BICD2: variants seen among roughly 807,000 people sequenced by gnomAD.
BICD2 encodes the protein BICD cargo adaptor 2.
BICD2 carries 25 observed loss-of-function variants against 72.9 expected under a neutral mutation model. That is an observed-to-expected ratio of 0.34 (90% CI 0.25 to 0.48). The LOEUF is 0.48. BICD2 is among the 20% of genes least tolerant of loss of function. BICD2 has a pLI of 0.99. For missense variants in BICD2, 894 were observed against 1,175.2 expected, an observed-to-expected ratio of 0.76 and a Z score of 3.50; for synonymous variants, 501 against 516.1, an observed-to-expected ratio of 0.97 and a Z score of 0.40.
At chr9:92,725,017 G>A (rs1409912321) in intron 2 of BICD2, among the ~76,000 whole-genome samples, 1 of 152,226 alleles carries the variant, frequency 6.6e-6, no homozygotes, top group Non-Finnish European at 1.5e-5. Flanking sequence ...TGCCAGTCAA[G>A]ATCAACAAAC....
In BICD2 at chr9:92,715,225, C is replaced by T. The variant is rs146163062; in HGVS notation, c.2497G>A (p.Asp833Asn). The change falls in exon 7 of 7, where the codon GAC (aspartate) becomes AAC (asparagine). Residue 833 changes from aspartate to asparagine, a missense_variant. Around this residue, in one of 5 missense-constraint regions of BICD2, gnomAD observed 321 missense variants for 443.9 expected, o/e 0.72. Coordinates refer to ENST00000356884, the MANE Select transcript of BICD2 (RefSeq NM_001003800.2). ...GCCAGCCCGGTGCCCTCGGCCCTGT[C>T]GCTGGCACAGGCACAGGTGTGACTT... is the stretch of plus-strand genomic sequence containing the variant. ...SVSHTCACAS[D>N]RAEGTGLANQ... The T allele has an allele frequency of 2.4e-5, 38 of 1,613,154 alleles. No individual in the cohort carries two copies. In the African/African-American group the frequency reaches 2.9e-4, roughly 12 times the overall value.
Position 92,714,972 on chromosome 9 carries a change from T to C in BICD2, c.*182A>G. On this transcript the variant is annotated 3_prime_UTR_variant, in exon 7 of 7. Transcript: ENST00000356884. ...GTGCTCCTGAGGGGGCTTTGAGGAG[T>C]GAGAAGCGACACAAAGCTCTCACAA... is the stretch of plus-strand genomic sequence containing the variant. 7.2e-7 allele frequency: 1 copy of C among 1,394,176 alleles called. No individual in the cohort carries two copies. The highest frequency in any genetic ancestry group is 9.3e-7 in the Non-Finnish European group (1 of 1,077,310). The allele number at this position is 1,394,176 out of a possible 1,614,324, so 86.4% of individuals were successfully genotyped here.
intron 1 of BICD2, among the ~76,000 whole-genome samples, chr9:92,753,372 T>C (rs995671829): frequency 5.3e-5 from 8 of 152,176 alleles, no homozygotes; most frequent in East Asian, 3.8e-4. Context: ...GGTTCATCCA[T>C]TGTAACAAAT....
rs1290940255 is a variant in BICD2, at chr9:92,711,998, G to C, written c.*3156C>G. 3 of 152,540 alleles carry C rather than the reference G, an allele frequency of 2.0e-5. No homozygotes were observed. Among genetic ancestry groups the C allele is most frequent in the Non-Finnish European group, 4.4e-5 (3 of 68,016 alleles). The allele number at this position is 152,540 out of a possible 1,614,324, so 9.4% of individuals were successfully genotyped here. A position where few individuals can be genotyped will look rare whatever the true frequency, so the allele number is the denominator to read the frequency against. On this transcript the variant is annotated 3_prime_UTR_variant, in exon 7 of 7. Transcript: ENST00000356884. The stretch of plus-strand genomic sequence containing the variant: ...TGAGTTCTGTTTCCTGAAATTAACA[G>C]TGATTAGTTACACCAAGCAAGAGAA...
chr9:92,740,715 T>C (rs745824187), intron 1 of BICD2, among the ~76,000 whole-genome samples: 6 of 152,166 alleles, frequency 3.9e-5, no homozygotes, highest in Non-Finnish European at 8.8e-5. Flanking sequence ...TGTGTATTTT[T>C]TTAACCAGCT....
At chr9:92,756,762 G>T (rs1185939767) in intron 1 of BICD2, among the ~76,000 whole-genome samples, 1 of 151,716 alleles carries the variant, frequency 6.6e-6, no homozygotes, top group Non-Finnish European at 1.5e-5. Context: ...AGCTACTCAG[G>T]AGGCTCAGGC....
rs1297827921 is a variant in BICD2, at chr9:92,713,295, C to A, written c.*1859G>T. ...AAGCTTTTTTTCCTCCCATTAAAAA[C>A]CTGGGGAATGCTATTTTGAAAAGAA... On this transcript the variant is annotated 3_prime_UTR_variant, in exon 7 of 7. Coordinates refer to ENST00000356884, the MANE Select transcript of BICD2 (RefSeq NM_001003800.2). 8.9e-6 allele frequency: 7 copies of A among 789,970 alleles called. No individual in the cohort carries two copies. The highest frequency in any genetic ancestry group is 1.4e-5 in the Non-Finnish European group (7 of 490,700). 48.9% of individuals were successfully genotyped at this position (789,970 alleles called of 1,614,324 possible). A position where few individuals can be genotyped will look rare whatever the true frequency, so the allele number is the denominator to read the frequency against.
intron 3 of BICD2, among the ~76,000 whole-genome samples, chr9:92,722,329 G>A (rs1853479640): frequency 6.6e-6 from 1 of 152,230 alleles, no homozygotes; most frequent in Non-Finnish European, 1.5e-5. Flanking sequence ...CTCATGGTCA[G>A]CACCTGATGG....
chr9:92,728,277 C>T (rs572469084), intron 2 of BICD2, among the ~76,000 whole-genome samples: 1 of 152,380 alleles, frequency 6.6e-6, no homozygotes, highest in East Asian at 1.9e-4. Flanking sequence ...GTGGCCTTTG[C>T]CCCTATCAGG....
At chr9:92,718,029 C>A in intron 5 of BICD2, 81 bp from the exon 6 acceptor site, 1 of 1,517,796 alleles carries the variant, frequency 6.6e-7, no homozygotes. Context: ...ATCGGGAGCC[C>A]CGGTCTGAAG....
At chr9:92,756,087 C>T (rs989368062) in intron 1 of BICD2, among the ~76,000 whole-genome samples, 14 of 151,894 alleles carry the variant, frequency 9.2e-5, no homozygotes, top group Non-Finnish European at 1.9e-4. Flanking sequence ...CTAGTTCCTC[C>T]CTTCTGGTTT....
rs989903173 is a variant in BICD2 at position 92,720,013 on chromosome 9, C to G, written c.1062+287G>C. On this transcript the variant is annotated intron_variant, in intron 4 of 6. Coordinates refer to ENST00000356884, the MANE Select transcript of BICD2 (RefSeq NM_001003800.2). The surrounding 1 kb of genome is among the most constrained non-coding windows in gnomAD (Gnocchi z 5.4). ...CATGACCATGGTGGGCCCCTGACACCTGGCCTGCGTGCAGGGATCACATGT... is the reference window on the plus strand; with the variant it reads ...CATGACCATGGTGGGCCCCTGACACGTGGCCTGCGTGCAGGGATCACATGT... 6.6e-6 allele frequency among the ~76,000 whole-genome samples: 1 copy of G among 152,250 alleles called. No homozygotes were observed. Among genetic ancestry groups the G allele is most frequent in the African/African-American group, 2.4e-5 (1 of 41,472 alleles).
chr9:92,726,481 G>A (rs756370770), intron 2 of BICD2, among the ~76,000 whole-genome samples: 3 of 152,162 alleles, frequency 2.0e-5, no homozygotes, highest in East Asian at 1.9e-4. Flanking sequence ...GGAAAGCCAC[G>A]CTGGGGGTGG....
chr9:92,754,503 C>T (rs1176119479), intron 1 of BICD2, among the ~76,000 whole-genome samples: 2 of 152,190 alleles, frequency 1.3e-5, no homozygotes, highest in African/African-American at 4.8e-5. Flanking sequence ...CTGTGCTTCA[C>T]AGAAGTAATA....
intron 6 of BICD2, among the ~76,000 whole-genome samples, chr9:92,717,507 A>G (rs916318324): frequency 1.3e-5 from 2 of 152,196 alleles, no homozygotes; most frequent in Admixed American, 1.3e-4. Context: ...TGCTTGCGTG[A>G]CCTCGGAGGA....
rs901356912 is a variant in BICD2 at position 92,713,873 on chromosome 9, T to C, written c.*1281A>G. 10 of 1,014,640 alleles carry C rather than the reference T, an allele frequency of 9.9e-6. No homozygotes were observed. The highest frequency in any genetic ancestry group is 1.2e-5 in the Non-Finnish European group (10 of 847,530). 62.9% of individuals were successfully genotyped at this position (1,014,640 alleles called of 1,614,324 possible). A position where few individuals can be genotyped will look rare whatever the true frequency, so the allele number is the denominator to read the frequency against. On this transcript the variant is annotated 3_prime_UTR_variant, in exon 7 of 7. Coordinates refer to ENST00000356884, the MANE Select transcript of BICD2 (RefSeq NM_001003800.2). ...AGCTGTGGGAGGGGGCAACACGGTCTCTCACCAGGTAACTCGAATGCCTCT... is the reference window on the plus strand; with the variant it reads ...AGCTGTGGGAGGGGGCAACACGGTCCCTCACCAGGTAACTCGAATGCCTCT...
chr9:92,738,326 C>T (rs1309258224), intron 1 of BICD2, among the ~76,000 whole-genome samples: 1 of 152,224 alleles, frequency 6.6e-6, no homozygotes, highest in Non-Finnish European at 1.5e-5. Flanking sequence ...TGCCTGCACC[C>T]TCCCACCTGC....
intron 1 of BICD2, among the ~76,000 whole-genome samples, chr9:92,733,318 A>T (rs933629159): frequency 2.0e-5 from 3 of 152,018 alleles, no homozygotes; most frequent in Non-Finnish European, 4.4e-5. Context: ...CGGGCAGATC[A>T]CGAGGTCAGG....
chr9:92,713,614 G>A lies in BICD2; in HGVS notation c.*1540C>T. ...GTGTTAGCAGGGGTCCCAGTGGCTTGGGTGTCTGCAAAGTCCCTTAGGAGT... is the reference window on the plus strand; with the variant it reads ...GTGTTAGCAGGGGTCCCAGTGGCTTAGGTGTCTGCAAAGTCCCTTAGGAGT... On this transcript the variant is annotated 3_prime_UTR_variant, in exon 7 of 7. Transcript: ENST00000356884. The A allele has an allele frequency of 6.6e-7, 1 of 1,517,830 alleles. No individual in the cohort carries two copies. Among genetic ancestry groups the A allele is most frequent in the Non-Finnish European group, 8.9e-7 (1 of 1,127,374 alleles). The allele number at this position is 1,517,830 out of a possible 1,614,324, so 94.0% of individuals were successfully genotyped here.
Sources: gnomAD v4.1 joint callset for allele counts (sites outside exome capture counted in the v4.1 genomes callset) on GRCh38, gnomAD v4.1.1 for gene constraint, gnomAD v4.1.1 regional missense constraint, Gnocchi (gnomAD v3.1) non-coding constraint, MANE v1.5 for transcripts, NCBI Gene and HGNC (gene_info 2026-07-23, HGNC 2026-07-21) for gene names.